Variants in OAS1 observed in about 807,000 individuals in gnomAD.
OAS1 encodes 2'-5'-oligoadenylate synthetase 1.
Under a neutral mutation model 38.5 loss-of-function variants are expected in OAS1, and 24 were observed. The ratio of observed to expected loss-of-function variants is 0.62; its 90% CI spans 0.45 to 0.88. The LOEUF (loss-of-function observed/expected upper bound fraction) is 0.88. Among genes scored for constraint, OAS1 ranks in the 40% least tolerant of loss-of-function variants. The pLI, the probability that OAS1 is intolerant of heterozygous loss-of-function variation, is 0.00. For synonymous variants in OAS1, 169 were observed against 193.9 expected, an observed-to-expected ratio of 0.87 and a Z score of 1.07; for missense variants, 482 against 493.9, an observed-to-expected ratio of 0.98 and a Z score of 0.23.
chr12:112,931,020 T>A (rs1353161160), intron 6 of OAS1, among the ~76,000 whole-genome samples: 5 of 152,194 alleles, frequency 3.3e-5, no homozygotes, highest in Admixed American at 6.5e-5. Flanking sequence ...GGTTCCATAT[T>A]TACACCATCT....
Position 112,917,483 on chromosome 12 carries a change from C to A in OAS1, c.885-64C>A, listed in dbSNP as rs754510982. 4.7e-5 allele frequency: 75 copies of A among 1,600,676 alleles called. No individual in the cohort carries two copies. The East Asian group carries it at 1.4e-3, about 30-fold the overall frequency. ...TGCTGCTATTTTGCTCTCCCAGGAG[C>A]ATCTGGACTCCCTAGACAGAGCCCC... is the stretch of plus-strand genomic sequence containing the variant. On this transcript the variant is annotated intron_variant, in intron 4 of 5. Transcript: ENST00000202917.
chr12:112,914,306 G>T (rs530534852), intron 3 of OAS1, among the ~76,000 whole-genome samples: 3 of 152,160 alleles, frequency 2.0e-5, no homozygotes, highest in African/African-American at 4.8e-5. Flanking sequence ...TGGTGTGTTT[G>T]TGTGTGTATA....
At chr12:112,931,506 C>T (rs890000953) in intron 6 of OAS1, among the ~76,000 whole-genome samples, 3 of 152,092 alleles carry the variant, frequency 2.0e-5, no homozygotes, top group South Asian at 2.1e-4. Flanking sequence ...ATAAAGTGTT[C>T]GGAATGATAC....
intron 3 of OAS1, among the ~76,000 whole-genome samples, chr12:112,912,443 G>A (rs902647016): frequency 6.6e-6 from 1 of 152,188 alleles, no homozygotes. Flanking sequence ...TTGAATGAAC[G>A]AATGAATGAA....
chr12:112,911,316 A>T, intron 3 of OAS1, 81 bp downstream of exon 3: 4 of 1,019,650 alleles, frequency 3.9e-6, no homozygotes, highest in African/African-American at 1.7e-5. Context: ...GAAAGAAGGG[A>T]GTGAAGGGAA....
At chr12:112,929,004 A>G (rs1034105165) in intron 6 of OAS1, among the ~76,000 whole-genome samples, 5 of 152,072 alleles carry the variant, frequency 3.3e-5, no homozygotes, top group African/African-American at 1.2e-4. Flanking sequence ...TCTCCTCTAC[A>G]TGGTCCCGTC....
At chr12:112,928,077 T>C (rs2043571665) in intron 6 of OAS1, among the ~76,000 whole-genome samples, 1 of 152,178 alleles carries the variant, frequency 6.6e-6, no homozygotes, top group Non-Finnish European at 1.5e-5. Flanking sequence ...TTAAGCCTAG[T>C]GCCAGGATCT....
rs746291351 is a variant in OAS1 at position 112,931,944 on chromosome 12, A to T, written c.*22A>T. 1.7e-5 allele frequency: 12 copies of T among 702,300 alleles called. No individual in the cohort carries two copies. The South Asian group carries it at 1.8e-4, about 10-fold the overall frequency. The allele number at this position is 702,300 out of a possible 1,614,324, so 43.5% of individuals were successfully genotyped here. On this transcript the variant is annotated 3_prime_UTR_variant, in exon 7 of 7. Transcript: ENST00000540589. ...TTAGTGAACATGCGGTGAATTTGCA[A>T]CAGACAAGAGGAGCCTCATTATCCT...
intron 3 of OAS1, among the ~76,000 whole-genome samples, 183 bp from the exon 4 acceptor site, chr12:112,916,326 C>T (rs370944619): frequency 9.8e-5 from 15 of 152,328 alleles, no homozygotes; most frequent in Admixed American, 2.6e-4. Context: ...TCTGTTGCAA[C>T]TACTCAACCC....
At chr12:112,912,254 C>T (rs574328969) in intron 3 of OAS1, among the ~76,000 whole-genome samples, 7 of 152,084 alleles carry the variant, frequency 4.6e-5, no homozygotes, top group Non-Finnish European at 1.0e-4. Context: ...GTGGGAGGAT[C>T]GCTTGAGCCT....
chr12:112,918,464 G>C (rs931492264), intron 5 of OAS1: 3 of 340,976 alleles, frequency 8.8e-6, no homozygotes, highest in African/African-American at 2.1e-5. Context: ...GAGTGCCGGT[G>C]TCTTTTGATA....
In OAS1 at chr12:112,908,639, G is replaced by A. The variant is rs763983553; in HGVS notation, c.284G>A (p.Arg95Gln). ...ACTTTTCAGGATCAGTTAAATCGCC[G>A]GGGAGAGTTCATCCAGGAAATTAGG... Reference protein sequence around the residue: ...LTTFQDQLNRRGEFIQEIRRQ... With the variant: ...LTTFQDQLNRQGEFIQEIRRQ... Residue 95 changes from arginine to glutamine, a missense_variant, in exon 2 of 6, where the codon CGG becomes CAG. Arg to Gln is a conservative substitution (Grantham distance 43). Coordinates refer to ENST00000202917, the MANE Select transcript of OAS1 (RefSeq NM_016816.4). 1.1e-5 allele frequency: 18 copies of A among 1,614,038 alleles called. No homozygotes were observed. Among genetic ancestry groups the A allele is most frequent in the East Asian group, 4.5e-5 (2 of 44,892 alleles).
In OAS1 at chr12:112,911,058, G is replaced by T; in HGVS notation, c.477G>T (p.Leu159Phe). The stretch of plus-strand genomic sequence containing the variant: ...TAGATTTTGCCCGAACAGGTCAGTT[G>T]ACTGGCGGCTATAAACCTAACCCCC... ...VLPAFDALGQ[L>F]TGGYKPNPQI... The change falls in exon 3 of 6, where the codon TTG (leucine) becomes TTT (phenylalanine). Residue 159 changes from leucine (L) to phenylalanine (F), a missense_variant. By Grantham distance (22) the Leu-to-Phe change is conservative (BLOSUM62 0). Coordinates refer to ENST00000202917, the MANE Select transcript of OAS1 (RefSeq NM_016816.4). 6.2e-7 allele frequency: 1 copy of T among 1,613,628 alleles called. No homozygotes were observed. Among genetic ancestry groups the T allele is most frequent in the Non-Finnish European group, 8.5e-7 (1 of 1,179,708 alleles).
At position 112,911,156 on chromosome 12, in the gene OAS1, A is replaced by T. The variant is rs1302047476; in HGVS notation, c.575A>T (p.Glu192Val). The T allele has an allele frequency of 6.2e-7, 1 of 1,613,940 alleles. No individual in the cohort carries two copies. The highest frequency in any genetic ancestry group is 8.5e-7 in the Non-Finnish European group (1 of 1,180,020). Residue 192 changes from glutamate to valine, a missense_variant, in exon 3 of 6, where the codon GAA becomes GTA. Coordinates refer to ENST00000202917, the MANE Select transcript of OAS1 (RefSeq NM_016816.4). ...KEGEFSTCFTELQRDFLKQRP... is the reference protein window; with the variant it reads ...KEGEFSTCFTVLQRDFLKQRP... ...GGCGAGTTCTCCACCTGCTTCACAG[A>T]ACTACAGAGAGACTTCCTGAAGCAG...
intron 6 of OAS1, among the ~76,000 whole-genome samples, chr12:112,929,868 G>T (rs2043586882): frequency 6.6e-6 from 1 of 152,156 alleles, no homozygotes; most frequent in African/African-American, 2.4e-5. Context: ...GCCTTGCCTT[G>T]CCTGTCCTTT....
chr12:112,913,013 T>C (rs1023643696), intron 3 of OAS1, among the ~76,000 whole-genome samples: 9 of 152,250 alleles, frequency 5.9e-5, no homozygotes, highest in Non-Finnish European at 1.2e-4. Flanking sequence ...TAACATTCCA[T>C]CTGGGGTAAT....
Position 112,916,653 on chromosome 12 carries a change from C to A in OAS1, c.799C>A (p.Gln267Lys), listed in dbSNP as rs1207322725. Residue 267 changes from glutamine to lysine, a missense_variant, in exon 4 of 6, where the codon CAA becomes AAA. Gln to Lys is a moderately conservative substitution (Grantham distance 53). Transcript: ENST00000202917. ...TVLELVINYQ[Q>K]LCIYWTKYYD... ...CTTGGAATTAGTCATAAACTACCAG[C>A]AACTCTGCATCTACTGGACAAAGTA... 2.5e-6 allele frequency: 4 copies of A among 1,614,168 alleles called. No homozygotes were observed. Among genetic ancestry groups the A allele is most frequent in the Admixed American group, 1.7e-5 (1 of 60,018 alleles).
At chr12:112,922,224 T>C (rs1014948764), downstream of OAS1, among the ~76,000 whole-genome samples, 2 of 152,142 alleles carry the variant, frequency 1.3e-5, no homozygotes, top group African/African-American at 2.4e-5. Flanking sequence ...CACAGCATCC[T>C]TTCCCAAGGG....
intron 5 of OAS1, chr12:112,918,865 G>A (rs564692542): frequency 1.3e-4 from 35 of 271,352 alleles, no homozygotes; most frequent in South Asian, 1.3e-3. Context: ...GATTCCAGGG[G>A]ATTGATGATG....
Sources: allele counts gnomAD v4.1 joint callset (sites outside exome capture counted in the v4.1 genomes callset), GRCh38; gene constraint gnomAD v4.1.1; transcripts MANE v1.5; gene names NCBI Gene and HGNC (gene_info 2026-07-23, HGNC 2026-07-21).